C1QTNF3: variants seen among roughly 807,000 people sequenced by gnomAD.
The protein encoded by C1QTNF3 is complement C1q tumor necrosis factor-related protein 3.
In C1QTNF3, 26 loss-of-function variants were observed where a neutral mutation model predicts 32.6. The ratio of observed to expected loss-of-function variants is 0.80; its 90% confidence interval spans 0.58 to 1.11. The LOEUF is 1.11. Ranked by LOEUF, C1QTNF3 falls within the 50% of genes least tolerant of loss-of-function variation. C1QTNF3 has a pLI of 0.00. For missense variants in C1QTNF3, 362 were observed against 398.2 expected, an observed-to-expected ratio of 0.91 and a Z score of 0.77; for synonymous variants, 155 against 146.0, an observed-to-expected ratio of 1.06 and a Z score of -0.44.
chr5:34,144,062 A>G, the C1QTNF3 span, among the ~76,000 whole-genome samples: 31 of 152,332 alleles, frequency 2.0e-4, 1 homozygote, highest in East Asian at 5.8e-3. Flanking sequence ...AGCTCAAAGC[A>G]AAATGATAGA....
the C1QTNF3 span, among the ~76,000 whole-genome samples, chr5:34,177,889 C>A: frequency 6.6e-6 from 1 of 151,998 alleles, no homozygotes; most frequent in South Asian, 2.1e-4. Flanking sequence ...TCCCAAAGGG[C>A]TAGCATTCCA....
chr5:34,138,828 T>C, the C1QTNF3 span, among the ~76,000 whole-genome samples: 6 of 152,144 alleles, frequency 3.9e-5, 1 homozygote, highest in Admixed American at 2.6e-4. Flanking sequence ...CTTCTGCTAG[T>C]TACAACACAA....
At chr5:34,056,473 TATATATAGAGAG>T in the C1QTNF3 span, among the ~76,000 whole-genome samples, 40 of 106,974 alleles carry the variant, frequency 3.7e-4, no homozygotes, top group Admixed American at 1.7e-3. Flanking sequence ...TATATATATA[TATATATAGAGAG>T]AGAGAGAGAG....
Position 34,018,779 on chromosome 5 carries a change from C to T in C1QTNF3, c.*1804G>A, listed in dbSNP as rs1390245464. On this transcript the variant is annotated 3_prime_UTR_variant, in exon 6 of 6. Transcript: ENST00000382065. ...TGTGAAACAGTTCTACACCATATTA[C>T]ATCCCTGAAGCAAGCAGAAACTCAA... is the stretch of plus-strand genomic sequence containing the variant. Among the ~76,000 whole-genome samples the T allele has an allele frequency of 6.6e-6, 1 of 152,292 alleles. No homozygotes were observed. Among genetic ancestry groups the T allele is most frequent in the South Asian group, 2.1e-4 (1 of 4,822 alleles).
At chr5:34,159,920 G>C in the C1QTNF3 span, among the ~76,000 whole-genome samples, 7 of 150,008 alleles carry the variant, frequency 4.7e-5, no homozygotes, top group Admixed American at 3.3e-4. Flanking sequence ...AATACATTAA[G>C]GAGCAATATT....
the C1QTNF3 span, among the ~76,000 whole-genome samples, chr5:34,160,171 G>C: frequency 6.6e-6 from 1 of 152,164 alleles, no homozygotes; most frequent in Admixed American, 6.5e-5. Flanking sequence ...CAAAGGACCA[G>C]GGCAGTGTAG....
the C1QTNF3 span, among the ~76,000 whole-genome samples, chr5:34,220,264 T>G: frequency 6.6e-6 from 1 of 152,068 alleles, no homozygotes; most frequent in African/African-American, 2.4e-5. Context: ...ATAAGTAGAT[T>G]TGTTAATTCC....
At chr5:34,124,349 G>T in the C1QTNF3 span, 1 of 687,520 alleles carries the variant, frequency 1.5e-6, no homozygotes, top group Non-Finnish European at 2.7e-6. Context: ...CCTGAGACTA[G>T]GTAACTTATA....
the C1QTNF3 span, among the ~76,000 whole-genome samples, chr5:34,068,349 T>A: frequency 6.6e-6 from 1 of 152,238 alleles, no homozygotes; most frequent in East Asian, 1.9e-4. Flanking sequence ...TTTTATATTC[T>A]ACAGCCTGAA....
the C1QTNF3 span, among the ~76,000 whole-genome samples, chr5:34,088,103 C>T: frequency 1.7e-4 from 26 of 152,266 alleles, no homozygotes; most frequent in Non-Finnish European, 4.4e-5. Flanking sequence ...AAATATGGTG[C>T]TCAATAAGCA....
the C1QTNF3 span, among the ~76,000 whole-genome samples, chr5:34,172,521 C>G: frequency 2.0e-5 from 3 of 152,036 alleles, no homozygotes; most frequent in East Asian, 5.8e-4. Context: ...TTTATTCTTT[C>G]CCTGTGTAAC....
rs1288841824 is a variant in C1QTNF3 at position 34,018,695 on chromosome 5, T to A, written c.*1888A>T. Among the ~76,000 whole-genome samples the A allele has an allele frequency of 1.3e-5, 2 of 152,260 alleles. No homozygotes were observed. Among genetic ancestry groups the A allele is most frequent in the African/African-American group, 4.8e-5 (2 of 41,466 alleles). ...AAATTCCTTCAATATAATCTCTTTG[T>A]TGTCCAAGGGTCAAATATAATGTTT... On this transcript the variant is annotated 3_prime_UTR_variant, in exon 6 of 6. Transcript: ENST00000382065.
chr5:34,052,784 C>A, the C1QTNF3 span, among the ~76,000 whole-genome samples: 1 of 152,198 alleles, frequency 6.6e-6, no homozygotes, highest in Non-Finnish European at 1.5e-5. Context: ...AATTACTAGA[C>A]AGAAAACATC....
At chr5:34,052,895 A>G in the C1QTNF3 span, among the ~76,000 whole-genome samples, 1 of 152,196 alleles carries the variant, frequency 6.6e-6, no homozygotes, top group Admixed American at 6.5e-5. Flanking sequence ...CACTAAAAAC[A>G]ATTTCTTTTT....
the C1QTNF3 span, among the ~76,000 whole-genome samples, chr5:34,159,089 T>C: frequency 1.3e-5 from 2 of 152,114 alleles, no homozygotes; most frequent in African/African-American, 4.8e-5. Context: ...TGTATCTCTT[T>C]AGAATTTTTG....
At chr5:34,066,066 C>G in the C1QTNF3 span, among the ~76,000 whole-genome samples, 2 of 152,150 alleles carry the variant, frequency 1.3e-5, no homozygotes, top group African/African-American at 4.8e-5. Flanking sequence ...CCCTTACCAG[C>G]TGAATTTTCC....
chr5:34,126,916 A>G, the C1QTNF3 span, among the ~76,000 whole-genome samples: 6 of 152,092 alleles, frequency 3.9e-5, no homozygotes, highest in Non-Finnish European at 7.4e-5. Context: ...ATGGGGGCGG[A>G]CATCCCCCTG....
chr5:34,161,147 C>T, the C1QTNF3 span, among the ~76,000 whole-genome samples: 3 of 152,164 alleles, frequency 2.0e-5, no homozygotes, highest in Non-Finnish European at 4.4e-5. Flanking sequence ...CCAACCCTTG[C>T]AAGCCTCAGA....
At chr5:34,216,377 T>A in the C1QTNF3 span, among the ~76,000 whole-genome samples, 1 of 152,248 alleles carries the variant, frequency 6.6e-6, no homozygotes, top group Non-Finnish European at 1.5e-5. Flanking sequence ...TTGCTGGTTG[T>A]GTTGCAACTC....
Sources: gnomAD v4.1 joint callset for allele counts (sites outside exome capture counted in the v4.1 genomes callset) on GRCh38, gnomAD v4.1.1 for gene constraint, MANE v1.5 for transcripts, NCBI Gene and HGNC (gene_info 2026-07-23, HGNC 2026-07-21) for gene names.